CCDC60: variants seen among roughly 807,000 people sequenced by gnomAD.
The protein encoded by CCDC60 is coiled-coil domain containing 60, also known as coiled-coil domain-containing protein 60.
A neutral mutation model predicts 63.5 loss-of-function variants in CCDC60; 54 were observed. The ratio of observed to expected loss-of-function variants is 0.85; its 90% confidence interval spans 0.68 to 1.07. The LOEUF is 1.07. Ranked by LOEUF, CCDC60 falls within the 50% of genes least tolerant of loss-of-function variation. CCDC60 has a pLI of 0.00. For synonymous variants in CCDC60, 206 were observed against 238.8 expected (o/e 0.86, Z 1.27); for missense variants, 651 against 684.3 (o/e 0.95, Z 0.54).
At chr12:119,495,213 T>C (rs1023403837) in intron 5 of CCDC60, among the ~76,000 whole-genome samples, 7 of 152,168 alleles carry the variant, frequency 4.6e-5, no homozygotes, top group African/African-American at 1.4e-4. Context: ...GTATGGGTGC[T>C]TCACCCCCAA....
intron 1 of CCDC60, among the ~76,000 whole-genome samples, chr12:119,398,067 G>A (rs1956308272): frequency 1.6e-5 from 1 of 62,110 alleles, no homozygotes; most frequent in Non-Finnish European, 3.0e-5. Context: ...GGGGGTGGGG[G>A]GAGAGGAAGG....
intron 1 of CCDC60, among the ~76,000 whole-genome samples, chr12:119,382,634 G>A (rs1025286544): frequency 3.3e-5 from 5 of 152,166 alleles, no homozygotes; most frequent in African/African-American, 1.2e-4. Context: ...ATGAATGAAT[G>A]AATAAGCAGA....
At chr12:119,527,672 T>TC in intron 11 of CCDC60, among the ~76,000 whole-genome samples, 1 of 127,212 alleles carries the variant, frequency 7.9e-6, no homozygotes, top group South Asian at 2.9e-4. Flanking sequence ...CTTTCTTTTT[T>TC]TTTTTTTTTT....
At chr12:119,427,730 T>A (rs904229125) in intron 1 of CCDC60, among the ~76,000 whole-genome samples, 3 of 152,114 alleles carry the variant, frequency 2.0e-5, no homozygotes, top group African/African-American at 7.2e-5. Context: ...TTTTTTTATT[T>A]AAAAAAAATC....
chr12:119,432,999 A>G (rs1950259185), intron 2 of CCDC60, among the ~76,000 whole-genome samples: 1 of 152,216 alleles, frequency 6.6e-6, no homozygotes, highest in Admixed American at 6.5e-5. Flanking sequence ...GAAATAGTAT[A>G]TAAGGAGTGC....
chr12:119,521,086 C>G (rs1952514700), intron 9 of CCDC60, among the ~76,000 whole-genome samples: 1 of 152,144 alleles, frequency 6.6e-6, no homozygotes, highest in Non-Finnish European at 1.5e-5. Context: ...TCGTAGTAAT[C>G]TAGATTGCTA....
intron 1 of CCDC60, among the ~76,000 whole-genome samples, chr12:119,388,557 T>C (rs999707775): frequency 1.2e-4 from 18 of 152,236 alleles, no homozygotes; most frequent in African/African-American, 4.3e-4. Context: ...TATATATTCA[T>C]TGTTTATTTA....
intron 2 of CCDC60, among the ~76,000 whole-genome samples, chr12:119,442,142 G>T (rs1653099199): frequency 6.6e-6 from 1 of 152,002 alleles, no homozygotes; most frequent in African/African-American, 2.4e-5. Context: ...TGCATTCATG[G>T]ATCCACGTGT....
chr12:119,395,736 A>G (rs1956240492), intron 1 of CCDC60, among the ~76,000 whole-genome samples: 1 of 152,206 alleles, frequency 6.6e-6, no homozygotes. Context: ...AACAGCAGAC[A>G]TTTATTCTCT....
intron 2 of CCDC60, among the ~76,000 whole-genome samples, chr12:119,432,809 T>A (rs1254508454): frequency 6.6e-6 from 1 of 152,196 alleles, no homozygotes; most frequent in East Asian, 1.9e-4. Flanking sequence ...TGCAAACCGA[T>A]CGTTAAACAC....
chr12:119,347,070 A>T (rs1592980188), intron 1 of CCDC60, among the ~76,000 whole-genome samples: 1 of 151,734 alleles, frequency 6.6e-6, no homozygotes, highest in African/African-American at 2.4e-5. Flanking sequence ...TGATCCACCC[A>T]CCTCAGCCTC....
At chr12:119,335,751 C>T (rs1955464428) in intron 1 of CCDC60, among the ~76,000 whole-genome samples, 1 of 151,760 alleles carries the variant, frequency 6.6e-6, no homozygotes, top group Non-Finnish European at 1.5e-5. Flanking sequence ...TTGTAGGTTG[C>T]CTGTTCACTC....
intron 3 of CCDC60, among the ~76,000 whole-genome samples, chr12:119,476,637 T>C (rs1951184012): frequency 6.6e-6 from 1 of 152,142 alleles, no homozygotes; most frequent in Non-Finnish European, 1.5e-5. Flanking sequence ...AAATATAAAT[T>C]GCACACAGCC....
At chr12:119,360,014 T>A (rs866774486) in intron 1 of CCDC60, among the ~76,000 whole-genome samples, 1 of 151,960 alleles carries the variant, frequency 6.6e-6, no homozygotes, top group Non-Finnish European at 1.5e-5. Flanking sequence ...AAAGCCGCCA[T>A]TGTCATCCTG....
At chr12:119,465,712 G>A (rs1176111269) in intron 2 of CCDC60, among the ~76,000 whole-genome samples, 4 of 151,476 alleles carry the variant, frequency 2.6e-5, no homozygotes, top group East Asian at 3.9e-4. Context: ...GAGCTGACAC[G>A]GTGCCACTGC....
intron 1 of CCDC60, among the ~76,000 whole-genome samples, chr12:119,418,367 T>G (rs1449650209): frequency 1.3e-5 from 2 of 149,152 alleles, no homozygotes; most frequent in African/African-American, 4.9e-5. Context: ...TTTTTCTTTC[T>G]TTTTCCTTTT....
chr12:119,466,214 C>T (rs539327713), intron 2 of CCDC60, among the ~76,000 whole-genome samples: 8 of 152,250 alleles, frequency 5.3e-5, no homozygotes, highest in African/African-American at 1.9e-4. Flanking sequence ...CATCTCGTCC[C>T]ACTTGCCTGC....
intron 7 of CCDC60, among the ~76,000 whole-genome samples, chr12:119,511,861 T>C (rs1019394080): frequency 6.6e-6 from 1 of 152,162 alleles, no homozygotes; most frequent in Non-Finnish European, 1.5e-5. Flanking sequence ...GGGAAGAAAC[T>C]TGGAGAACCA....
chr12:119,383,778 T>C (rs999528293), intron 1 of CCDC60, among the ~76,000 whole-genome samples: 4 of 152,046 alleles, frequency 2.6e-5, no homozygotes, highest in Non-Finnish European at 5.9e-5. Context: ...TAAAACGCAA[T>C]CTAGACAACA....
Sources: allele counts gnomAD v4.1 joint callset (sites outside exome capture counted in the v4.1 genomes callset), GRCh38; gene constraint gnomAD v4.1.1; transcripts MANE v1.5; gene names NCBI Gene and HGNC (gene_info 2026-07-23, HGNC 2026-07-21).